Variants in LRRTM4 observed in about 807,000 individuals in gnomAD.
LRRTM4 encodes the protein leucine rich repeat transmembrane neuronal 4.
Under a neutral mutation model 47.6 loss-of-function variants are expected in LRRTM4, and 25 were observed. The observed-to-expected ratio is 0.53, with a 90% CI of 0.38 to 0.73. LRRTM4 has a LOEUF of 0.73. Ranked by LOEUF, LRRTM4 falls within the 30% of genes least tolerant of loss-of-function variation. LRRTM4 has a pLI of 0.00. For synonymous variants in LRRTM4, 311 were observed against 269.5 expected (o/e 1.15, Z -1.51); for missense variants, 638 against 713.4 (o/e 0.89, Z 1.20).
chr2:76,790,210 T>C lies in LRRTM4; in HGVS notation c.1552-41294A>G, dbSNP rs1430457608. On this transcript the variant is annotated intron_variant, in intron 3 of 3. Coordinates refer to ENST00000409884, the MANE Select transcript of LRRTM4 (RefSeq NM_001134745.3). ...CCACTACACTTCTGTTCTAGGACTA[T>C]GAGTTAAAGTTCAAACTAATAATGA... Among the ~76,000 whole-genome samples, 4 of 152,164 alleles carry C rather than the reference T, an allele frequency of 2.6e-5. No homozygotes were observed. The South Asian group carries it at 6.2e-4, about 24-fold the overall frequency.
intron 3 of LRRTM4, among the ~76,000 whole-genome samples, chr2:77,253,894 A>G (rs1488413871): frequency 1.3e-5 from 2 of 152,126 alleles, no homozygotes; most frequent in Non-Finnish European, 2.9e-5. Flanking sequence ...TCTAACATTC[A>G]TGTTCATACT....
intron 3 of LRRTM4, among the ~76,000 whole-genome samples, chr2:76,958,903 A>T (rs1380198271): frequency 6.6e-6 from 1 of 151,674 alleles, no homozygotes; most frequent in South Asian, 2.1e-4. Context: ...TTGCTGGACT[A>T]GTTTTCCAGG....
intron 3 of LRRTM4, among the ~76,000 whole-genome samples, chr2:77,513,094 A>C (rs1679080868): frequency 6.6e-6 from 1 of 152,196 alleles, no homozygotes; most frequent in African/African-American, 2.4e-5. Flanking sequence ...CTTTCAAAAT[A>C]TCTAGTTACT....
chr2:77,218,912 G>T (rs1372588614), intron 3 of LRRTM4, among the ~76,000 whole-genome samples: 1 of 152,162 alleles, frequency 6.6e-6, no homozygotes, highest in African/African-American at 2.4e-5. Flanking sequence ...CCCTCAAGGG[G>T]CTCAAAGTAA....
At chr2:76,750,719 C>G (rs1672822879) in intron 3 of LRRTM4, among the ~76,000 whole-genome samples, 4 of 152,110 alleles carry the variant, frequency 2.6e-5, no homozygotes, top group Admixed American at 2.6e-4. Flanking sequence ...GCAAGTTCCT[C>G]AAATGCTCTT....
At position 76,748,569 on chromosome 2, in the gene LRRTM4, G is replaced by T; in HGVS notation, c.*126C>A. On this transcript the variant is annotated 3_prime_UTR_variant, in exon 4 of 4. Coordinates refer to ENST00000409884, the MANE Select transcript of LRRTM4 (RefSeq NM_001134745.3). ...TTTTTTCTCTTTTTCTTTTCTCTAT[G>T]CCATAAATGTTTTAACAGGAACGAT... is the stretch of plus-strand genomic sequence containing the variant. 3 of 747,890 alleles carry T rather than the reference G, an allele frequency of 4.0e-6. No individual in the cohort carries two copies. The highest frequency in any genetic ancestry group is 3.6e-5 in the South Asian group (2 of 55,444). 46.3% of individuals were successfully genotyped at this position (747,890 alleles called of 1,614,324 possible).
chr2:77,193,872 G>T (rs2103884689), intron 3 of LRRTM4, among the ~76,000 whole-genome samples: 1 of 152,184 alleles, frequency 6.6e-6, no homozygotes, highest in South Asian at 2.1e-4. Flanking sequence ...ACACAGAGAG[G>T]CAACAAAATG....
intron 3 of LRRTM4, among the ~76,000 whole-genome samples, chr2:77,301,600 A>G (rs1319323978): frequency 7.2e-5 from 11 of 152,184 alleles, no homozygotes; most frequent in Non-Finnish European, 1.0e-4. Flanking sequence ...AAACTATCAC[A>G]TTAATATTCC....
chr2:76,843,485 T>C (rs1348815581), intron 3 of LRRTM4, among the ~76,000 whole-genome samples: 1 of 152,168 alleles, frequency 6.6e-6, no homozygotes, highest in Non-Finnish European at 1.5e-5. Context: ...GTTGCTTCCA[T>C]GGAAAAGTAG....
Position 76,913,970 on chromosome 2 carries a change from A to G in LRRTM4, c.1552-165054T>C, listed in dbSNP as rs537224351. On this transcript the variant is annotated intron_variant, in intron 3 of 3. Transcript: ENST00000409884. ...CTGTTTGAATATTGTTTAGAAATGCATATCTCTTCAATATTTAAAAAGTAT... is the reference window on the plus strand; with the variant it reads ...CTGTTTGAATATTGTTTAGAAATGCGTATCTCTTCAATATTTAAAAAGTAT... Among the ~76,000 whole-genome samples the G allele has an allele frequency of 2.5e-3, 385 of 152,176 alleles. 8 individuals are homozygous for G. The highest frequency in any genetic ancestry group is 8.8e-3 in the African/African-American group (365 of 41,560).
intron 3 of LRRTM4, among the ~76,000 whole-genome samples, chr2:77,375,249 C>G (rs1219973137): frequency 6.6e-6 from 1 of 151,700 alleles, no homozygotes; most frequent in Admixed American, 6.6e-5. Context: ...TATCCTCCCT[C>G]TTTTTCTATT....
intron 3 of LRRTM4, among the ~76,000 whole-genome samples, chr2:76,804,354 C>CT (rs2103786561): frequency 6.6e-6 from 1 of 152,008 alleles, no homozygotes; most frequent in East Asian, 1.9e-4. Flanking sequence ...AATTGCGTTG[C>CT]TTGAAATTTT....
chr2:77,455,310 A>G (rs1447012340), intron 3 of LRRTM4, among the ~76,000 whole-genome samples: 1 of 152,182 alleles, frequency 6.6e-6, no homozygotes, highest in Non-Finnish European at 1.5e-5. Context: ...TTTTTATACT[A>G]ATTTGTAAGA....
chr2:77,502,562 G>A (rs186981346), intron 3 of LRRTM4, among the ~76,000 whole-genome samples: 2 of 151,618 alleles, frequency 1.3e-5, no homozygotes, highest in South Asian at 2.1e-4. Flanking sequence ...ATTTGGGAAC[G>A]TAATTATTTA....
intron 3 of LRRTM4, among the ~76,000 whole-genome samples, chr2:77,332,407 C>A (rs1671004036): frequency 6.6e-6 from 1 of 152,080 alleles, no homozygotes; most frequent in Non-Finnish European, 1.5e-5. Flanking sequence ...TTAGAATAAC[C>A]TTCCTCTATA....
At chr2:77,038,758 G>A (rs1678927141) in intron 3 of LRRTM4, among the ~76,000 whole-genome samples, 1 of 151,392 alleles carries the variant, frequency 6.6e-6, no homozygotes, top group South Asian at 2.1e-4. Flanking sequence ...AAGTTATCCT[G>A]CAACACAATA....
chr2:77,477,489 G>A (rs1008364369), intron 3 of LRRTM4, among the ~76,000 whole-genome samples: 2 of 152,086 alleles, frequency 1.3e-5, no homozygotes, highest in African/African-American at 4.8e-5. Context: ...ATTTTGCTGT[G>A]AGATGCATAT....
intron 3 of LRRTM4, among the ~76,000 whole-genome samples, chr2:76,819,807 A>G (rs1189186083): frequency 6.6e-6 from 1 of 151,914 alleles, no homozygotes; most frequent in Non-Finnish European, 1.5e-5. Flanking sequence ...ATGTACACTC[A>G]TCCTTCCTTC....
chr2:77,128,977 T>A (rs1177934969), intron 3 of LRRTM4, among the ~76,000 whole-genome samples: 1 of 152,222 alleles, frequency 6.6e-6, no homozygotes, highest in African/African-American at 2.4e-5. Context: ...TGTACTAAAA[T>A]TTATGTTTCT....
Sources: allele counts gnomAD v4.1 joint callset (sites outside exome capture counted in the v4.1 genomes callset), GRCh38; gene constraint gnomAD v4.1.1; transcripts MANE v1.5; gene names NCBI Gene and HGNC (gene_info 2026-07-23, HGNC 2026-07-21).